The following FREM1 variants were observed in gnomAD, a reference collection of about 807,000 sequenced individuals.
FREM1 encodes FRAS1 related extracellular matrix 1, also known as FRAS1-related extracellular matrix protein 1.
A neutral mutation model predicts 210.1 loss-of-function variants in FREM1; 220 were observed. The observed-to-expected ratio is 1.05, with a 90% CI of 0.94 to 1.17. The LOEUF (loss-of-function observed/expected upper bound fraction) is 1.17, where lower values mean the gene tolerates loss of function less well. FREM1 is among the 50% of genes most tolerant of loss of function. The pLI is 0.00. For synonymous variants in FREM1, 1,189 were observed against 980.2 expected (o/e 1.21, Z -3.98); for missense variants, 3,454 against 2,675.5 (o/e 1.29, Z -6.42).
intron 25 of FREM1, among the ~76,000 whole-genome samples, chr9:14,772,073 A>G (rs942061887): frequency 6.6e-6 from 1 of 152,036 alleles, no homozygotes. Flanking sequence ...TGTCACAACC[A>G]ACCATTTTTT....
chr9:14,878,541 T>C (rs954534874), intron 1 of FREM1, among the ~76,000 whole-genome samples: 16 of 152,192 alleles, frequency 1.1e-4, no homozygotes, highest in Non-Finnish European at 1.9e-4. Flanking sequence ...CTTAGTGCTT[T>C]CTAACCACCT....
At chr9:14,804,458 A>G (rs898117696) in intron 19 of FREM1, among the ~76,000 whole-genome samples, 10 of 152,086 alleles carry the variant, frequency 6.6e-5, no homozygotes, top group South Asian at 6.2e-4. Flanking sequence ...GGTGGCGGGC[A>G]CCTGCAGTCC....
chr9:14,750,347 T>A, intron 29 of FREM1, 71 bp from the exon 30 acceptor site: 1 of 1,225,650 alleles, frequency 8.2e-7, no homozygotes, highest in Non-Finnish European at 1.2e-6. Context: ...AGAAATATAT[T>A]AATTAACATG....
chr9:14,844,392 T>C (rs1239643711), intron 8 of FREM1, among the ~76,000 whole-genome samples: 1 of 151,986 alleles, frequency 6.6e-6, no homozygotes, highest in African/African-American at 2.4e-5. Context: ...TGCCGGGCTA[T>C]TTTTATGTTT....
intron 35 of FREM1, 51 bp downstream of exon 35, chr9:14,746,302 G>C (rs1456687567): frequency 1.4e-5 from 18 of 1,292,326 alleles, no homozygotes; most frequent in Non-Finnish European, 1.9e-5. Context: ...TGAGCAAATA[G>C]AGAAATAGAG....
intron 29 of FREM1, among the ~76,000 whole-genome samples, chr9:14,753,884 T>C (rs1494345): frequency 0.48 from 72,625 of 152,076 alleles, 18,291 homozygotes; most frequent in East Asian, 0.64. Flanking sequence ...TTATAAGATA[T>C]GCTTATATTA....
intron 12 of FREM1, 111 bp from the exon 13 acceptor site, chr9:14,823,438 C>G (rs1821746539): frequency 1.2e-6 from 1 of 864,598 alleles, no homozygotes. Context: ...GTAAATGCCA[C>G]CATCATCACT....
chr9:14,813,109 G>C (rs1819703334), intron 15 of FREM1, 45 bp from the exon 16 acceptor site: 3 of 1,559,452 alleles, frequency 1.9e-6, no homozygotes, highest in Non-Finnish European at 2.6e-6. Context: ...AGAAAGAAAT[G>C]ACAAATTCTT....
intron 20 of FREM1, among the ~76,000 whole-genome samples, chr9:14,798,277 A>G (rs1048826450): frequency 1.3e-5 from 2 of 152,200 alleles, no homozygotes; most frequent in African/African-American, 4.8e-5. Flanking sequence ...AAGTTGTATA[A>G]AATATTTTAA....
chr9:14,850,032 G>A (rs529025269), intron 6 of FREM1, among the ~76,000 whole-genome samples: 4 of 152,254 alleles, frequency 2.6e-5, no homozygotes, highest in African/African-American at 4.8e-5. Flanking sequence ...TGAAAATGCC[G>A]AAATTACAAT....
At chr9:14,780,946 G>T (rs1256836368) in intron 24 of FREM1, among the ~76,000 whole-genome samples, 1 of 152,156 alleles carries the variant, frequency 6.6e-6, no homozygotes, top group Non-Finnish European at 1.5e-5. Context: ...TTGGGTCTTG[G>T]GCAGACGCTA....
intron 10 of FREM1, among the ~76,000 whole-genome samples, chr9:14,830,364 A>T (rs972470841): frequency 6.6e-6 from 1 of 152,200 alleles, no homozygotes; most frequent in Non-Finnish European, 1.5e-5. Context: ...GGGGGAAGGC[A>T]GCAAGCAAGA....
intron 1 of FREM1, among the ~76,000 whole-genome samples, chr9:14,883,897 C>T (rs766851209): frequency 1.2e-4 from 18 of 152,334 alleles, no homozygotes; most frequent in Non-Finnish European, 1.8e-4. Context: ...GTAGAAAGGG[C>T]ACCTGGCCAT....
chr9:14,775,071 T>C (rs1162901990), intron 25 of FREM1, among the ~76,000 whole-genome samples: 1 of 152,192 alleles, frequency 6.6e-6, no homozygotes, highest in Non-Finnish European at 1.5e-5. Flanking sequence ...AGTTTCAACA[T>C]CAAATATGTT....
intron 21 of FREM1, among the ~76,000 whole-genome samples, chr9:14,796,194 T>G (rs1203455156): frequency 1.3e-5 from 2 of 152,182 alleles, no homozygotes; most frequent in African/African-American, 4.8e-5. Context: ...TTTGAGGCCC[T>G]CCTTTCTGCA....
chr9:14,902,764 C>G (rs1217779154), intron 1 of FREM1, among the ~76,000 whole-genome samples: 5 of 152,158 alleles, frequency 3.3e-5, no homozygotes, highest in Non-Finnish European at 7.3e-5. Flanking sequence ...GGAATTTTGT[C>G]ACCCCATCCT....
chr9:14,834,758 T>G (rs958667283), intron 10 of FREM1, among the ~76,000 whole-genome samples: 1 of 152,206 alleles, frequency 6.6e-6, no homozygotes, highest in Non-Finnish European at 1.5e-5. Context: ...TAAGTTATAT[T>G]TTGGTGAACA....
intron 10 of FREM1, among the ~76,000 whole-genome samples, chr9:14,841,234 T>C (rs1825652891): frequency 1.3e-5 from 2 of 152,260 alleles, no homozygotes; most frequent in Non-Finnish European, 2.9e-5. Context: ...TAAATGACCT[T>C]GAAACACTGA....
intron 12 of FREM1, among the ~76,000 whole-genome samples, chr9:14,823,677 G>T (rs1196528539): frequency 1.3e-5 from 2 of 152,024 alleles, no homozygotes; most frequent in Non-Finnish European, 2.9e-5. Flanking sequence ...ATGGTATATT[G>T]TTGTCAGCCC....
Sources: gnomAD v4.1 joint callset for allele counts (sites outside exome capture counted in the v4.1 genomes callset) on GRCh38, gnomAD v4.1.1 for gene constraint, MANE v1.5 for transcripts, NCBI Gene and HGNC (gene_info 2026-07-23, HGNC 2026-07-21) for gene names.